The following WWOX variants were observed in gnomAD, a reference collection of about 807,000 sequenced individuals.
The protein encoded by WWOX is WW domain-containing oxidoreductase.
WWOX carries 69 observed loss-of-function variants against 46.2 expected under a neutral mutation model. That is an observed-to-expected ratio of 1.49 (90% CI 1.23 to 1.82). The LOEUF (loss-of-function observed/expected upper bound fraction) is 1.82, where lower values mean the gene tolerates loss of function less well. Among genes scored for constraint, WWOX ranks in the 40% most tolerant of loss-of-function variants. The probability of loss-of-function intolerance (pLI) is 0.00; values close to 1 mark genes in which losing one functional copy is unlikely to be tolerated. For synonymous variants in WWOX, 359 were observed against 202.6 expected (o/e 1.77, Z -6.56); for missense variants, 919 against 542.6 (o/e 1.69, Z -6.89).
At chr16:78,744,385 AAGGGGCCAG>A (rs1305821533) in intron 8 of WWOX, among the ~76,000 whole-genome samples, 2 of 148,246 alleles carry the variant, frequency 1.3e-5, no homozygotes, top group African/African-American at 5.0e-5. Context: ...AAGACGCTTG[AAGGGGCCAG>A]ATTAGGAAGG....
intron 8 of WWOX, among the ~76,000 whole-genome samples, chr16:79,039,944 G>A (rs1212375123): frequency 5.3e-5 from 8 of 152,150 alleles, no homozygotes; most frequent in African/African-American, 1.9e-4. Context: ...ACATCTGGAG[G>A]GGTGTAGTGT....
rs186827156 is a variant in WWOX, at chr16:79,029,012, A to G, written c.1057-182596A>G. ...TCCATGTCTTTGAAAAATAAGCACAATACAAATTATATTTGAGGATGACCT... is the reference window on the plus strand; with the variant it reads ...TCCATGTCTTTGAAAAATAAGCACAGTACAAATTATATTTGAGGATGACCT... On this transcript the variant is annotated intron_variant, in intron 8 of 8. Transcript: ENST00000566780. Among the ~76,000 whole-genome samples, 143 of 149,736 alleles carry G rather than the reference A, an allele frequency of 9.6e-4. 2 individuals are homozygous for G. Among genetic ancestry groups the G allele is most frequent in the African/African-American group, 3.0e-3 (117 of 39,122 alleles).
At chr16:78,844,707 G>T (rs1325399898) in intron 8 of WWOX, among the ~76,000 whole-genome samples, 1 of 152,184 alleles carries the variant, frequency 6.6e-6, no homozygotes, top group Non-Finnish European at 1.5e-5. Flanking sequence ...AGACTTTTAA[G>T]CTGGGCAACT....
intron 4 of WWOX, among the ~76,000 whole-genome samples, chr16:78,117,977 A>G (rs1461374330): frequency 1.3e-5 from 2 of 151,868 alleles, no homozygotes; most frequent in South Asian, 2.1e-4. Flanking sequence ...ATAGATATCT[A>G]ATTTGCCTTA....
At chr16:78,161,847 C>T (rs1216750023) in intron 4 of WWOX, among the ~76,000 whole-genome samples, 1 of 152,100 alleles carries the variant, frequency 6.6e-6, no homozygotes, top group Non-Finnish European at 1.5e-5. Flanking sequence ...TAATATAAAT[C>T]AGTATTATAT....
intron 8 of WWOX, among the ~76,000 whole-genome samples, chr16:78,673,948 C>T (rs1421086282): frequency 6.6e-6 from 1 of 152,014 alleles, no homozygotes; most frequent in African/African-American, 2.4e-5. Context: ...TATTACTGAG[C>T]ACATAAAATC....
intron 8 of WWOX, among the ~76,000 whole-genome samples, chr16:78,587,059 C>T (rs11862979): frequency 0.023 from 3,460 of 152,096 alleles, 103 homozygotes; most frequent in African/African-American, 0.068. Flanking sequence ...AAAGCCTCAC[C>T]CTGTTGCCCA....
rs182679355 is a variant in WWOX at position 78,595,500 on chromosome 16, G to A, written c.1056+162748G>A. On this transcript the variant is annotated intron_variant, in intron 8 of 8. Transcript: ENST00000566780. The stretch of plus-strand genomic sequence containing the variant: ...CTAACATACTCACTCATGACTTCAC[G>A]TGGCTATGTACAAGACCACATCTCT... Among the ~76,000 whole-genome samples, 9 of 152,280 alleles carry A rather than the reference G, an allele frequency of 5.9e-5. No individual in the cohort carries two copies. In the East Asian group the frequency reaches 1.5e-3, roughly 26 times the overall value.
intron 8 of WWOX, among the ~76,000 whole-genome samples, chr16:78,862,392 A>G (rs2043909516): frequency 1.3e-5 from 2 of 151,456 alleles, no homozygotes; most frequent in South Asian, 4.2e-4. Context: ...ACATATACAC[A>G]CTATAGTGTA....
At chr16:78,316,204 C>G (rs1472943083) in intron 5 of WWOX, among the ~76,000 whole-genome samples, 1 of 151,988 alleles carries the variant, frequency 6.6e-6, no homozygotes, top group African/African-American at 2.4e-5. Flanking sequence ...CGAGACCATG[C>G]TAGTGTACTC....
chr16:78,804,876 G>A (rs951415210), intron 8 of WWOX, among the ~76,000 whole-genome samples: 2 of 152,088 alleles, frequency 1.3e-5, no homozygotes, highest in Non-Finnish European at 2.9e-5. Context: ...ACAGTATTAC[G>A]GGTTTTAAAA....
intron 8 of WWOX, among the ~76,000 whole-genome samples, chr16:79,094,613 C>G: frequency 6.6e-6 from 1 of 151,866 alleles, no homozygotes; most frequent in Non-Finnish European, 1.5e-5. Flanking sequence ...GTAACCGTTT[C>G]AAAAACCCAT....
chr16:78,498,734 C>G (rs59506789), intron 8 of WWOX, among the ~76,000 whole-genome samples: 6,747 of 152,170 alleles, frequency 0.044, 508 homozygotes, highest in African/African-American at 0.16. Context: ...GCTCTGTTGC[C>G]CAGGCTGGAG....
chr16:78,359,791 C>T (rs2081370890), intron 5 of WWOX, among the ~76,000 whole-genome samples: 1 of 152,206 alleles, frequency 6.6e-6, no homozygotes, highest in South Asian at 2.1e-4. Context: ...ACACACAAGG[C>T]ATGATGCCAT....
intron 8 of WWOX, among the ~76,000 whole-genome samples, chr16:78,740,282 C>G (rs187214737): frequency 1.8e-4 from 27 of 152,352 alleles, no homozygotes; most frequent in Admixed American, 1.6e-3. Context: ...GCTGCCTGCA[C>G]TGTCCTCTGT....
chr16:79,167,216 A>T (rs1368233568), intron 8 of WWOX, among the ~76,000 whole-genome samples: 1 of 152,202 alleles, frequency 6.6e-6, no homozygotes, highest in Non-Finnish European at 1.5e-5. Flanking sequence ...TGCTGGGATA[A>T]CAGGCATGAA....
intron 8 of WWOX, among the ~76,000 whole-genome samples, chr16:79,148,497 G>T (rs1416220079): frequency 6.6e-6 from 1 of 152,132 alleles, no homozygotes; most frequent in Non-Finnish European, 1.5e-5. Context: ...CAGGTAGAGT[G>T]ATTCTTCTCA....
intron 8 of WWOX, among the ~76,000 whole-genome samples, chr16:79,010,744 C>T (rs560221146): frequency 6.7e-6 from 1 of 149,494 alleles, no homozygotes; most frequent in Non-Finnish European, 1.5e-5. Context: ...AGATGGGAAC[C>T]TTCCAGGGAC....
At chr16:78,301,051 G>A (rs773511738) in intron 5 of WWOX, among the ~76,000 whole-genome samples, 59 of 150,104 alleles carry the variant, frequency 3.9e-4, no homozygotes, top group Admixed American at 7.3e-4. Flanking sequence ...ATCCATCCAT[G>A]CATGTAAGTT....
Sources: gnomAD v4.1 joint callset for allele counts (sites outside exome capture counted in the v4.1 genomes callset) on GRCh38, gnomAD v4.1.1 for gene constraint, MANE v1.5 for transcripts, NCBI Gene and HGNC (gene_info 2026-07-23, HGNC 2026-07-21) for gene names.